SH3KBP1: variants seen among roughly 807,000 people sequenced by gnomAD.
SH3KBP1 encodes the protein SH3 domain-containing kinase-binding protein 1.
In SH3KBP1, 8 loss-of-function variants were observed where a neutral mutation model predicts 50.1. The observed-to-expected ratio is 0.16, with a 90% CI of 0.09 to 0.29. The LOEUF (loss-of-function observed/expected upper bound fraction) is 0.29. Among genes scored for constraint, SH3KBP1 ranks in the 10% least tolerant of loss-of-function variants. The probability of loss-of-function intolerance (pLI) is 1.00; values close to 1 mark genes in which losing one functional copy is unlikely to be tolerated. For missense variants in SH3KBP1, 377 were observed against 535.2 expected (o/e 0.70, Z 2.92); for synonymous variants, 227 against 218.6 (o/e 1.04, Z -0.34).
chrX:19,655,803 C>A (rs1459341856), intron 6 of SH3KBP1, among the ~76,000 whole-genome samples: 1 of 111,133 alleles, frequency 9.0e-6, no homozygotes, highest in Non-Finnish European at 1.9e-5. Flanking sequence ...TGCACATGTA[C>A]CCCCGACCCT....
At chrX:19,830,519 G>A (rs980834479) in intron 2 of SH3KBP1, among the ~76,000 whole-genome samples, 3 of 111,318 alleles carry the variant, frequency 2.7e-5, no homozygotes, top group African/African-American at 9.8e-5. Flanking sequence ...CACTTTAGGA[G>A]GCCAAAGTGA....
chrX:19,750,391 C>T, intron 2 of SH3KBP1, among the ~76,000 whole-genome samples: 1 of 111,880 alleles, frequency 8.9e-6, no homozygotes, highest in Middle Eastern at 4.7e-3. Flanking sequence ...GGATTATAAT[C>T]ATGTCTTCCT....
intron 3 of SH3KBP1, among the ~76,000 whole-genome samples, chrX:19,718,489 G>A (rs745309906): frequency 7.2e-5 from 8 of 111,317 alleles, no homozygotes; most frequent in African/African-American, 2.6e-4. Flanking sequence ...TTGGGGGAAG[G>A]GTAGAAACTC....
intron 13 of SH3KBP1, among the ~76,000 whole-genome samples, chrX:19,559,951 C>A (rs974586508): frequency 9.0e-5 from 10 of 110,968 alleles, no homozygotes; most frequent in African/African-American, 3.3e-4. Flanking sequence ...CAAAATAATT[C>A]TTTTAAAAGA....
intron 5 of SH3KBP1, among the ~76,000 whole-genome samples, chrX:19,692,553 A>C (rs899619772): frequency 9.2e-6 from 1 of 108,956 alleles, no homozygotes; most frequent in African/African-American, 3.4e-5. Flanking sequence ...TACCAAATAA[A>C]CATATATATA....
chrX:19,655,842 G>A, intron 6 of SH3KBP1, among the ~76,000 whole-genome samples: 1 of 111,648 alleles, frequency 9.0e-6, no homozygotes, highest in East Asian at 2.8e-4. Context: ...TAGCAGCAGA[G>A]ACAAAATCAT....
intron 6 of SH3KBP1, among the ~76,000 whole-genome samples, chrX:19,667,898 T>C (rs2062647124): frequency 9.5e-6 from 1 of 105,566 alleles, no homozygotes; most frequent in African/African-American, 3.5e-5. Context: ...AGTCGACCTT[T>C]AACCTAGAAA....
chrX:19,670,673 T>C (rs931439037), intron 6 of SH3KBP1, among the ~76,000 whole-genome samples: 5 of 109,952 alleles, frequency 4.5e-5, no homozygotes, highest in African/African-American at 1.3e-4. Context: ...ATAATCCGTA[T>C]ACTTGATAGG....
chrX:19,683,575 A>G (rs1007684483), intron 6 of SH3KBP1, among the ~76,000 whole-genome samples: 26 of 111,104 alleles, frequency 2.3e-4, no homozygotes, highest in Non-Finnish European at 9.4e-5. Context: ...TCCATTTCCA[A>G]AGTCATCCTG....
At position 19,713,116 on chromosome X, in the gene SH3KBP1, G is replaced by A. The variant is rs190844884; in HGVS notation, c.287-6132C>T. 5.2e-3 allele frequency among the ~76,000 whole-genome samples: 568 copies of A among 110,196 alleles called. 1 individual carries two copies. The highest frequency in any genetic ancestry group is 0.018 in the Middle Eastern group (4 of 218). Reference sequence around the variant, plus strand: ...CGCACTCCTGTAGTCTCAGCTACTCGGGAGGCTGAGGCAGGAGAAACACTT... The same window carrying A: ...CGCACTCCTGTAGTCTCAGCTACTCAGGAGGCTGAGGCAGGAGAAACACTT... On this transcript the variant is annotated intron_variant, in intron 3 of 17. Coordinates refer to ENST00000397821, the MANE Select transcript of SH3KBP1 (RefSeq NM_031892.3).
rs1365594800 is a variant in SH3KBP1 at position 19,706,889 on chromosome X, C to T, written c.382G>A (p.Val128Ile). Reference sequence around the variant, plus strand: ...CCGGCCAGGTCGCTTACCTCTCCTACCACCTCTATGATGTCGCCAACTTTC... The same window carrying T: ...CCGGCCAGGTCGCTTACCTCTCCTATCACCTCTATGATGTCGCCAACTTTC... ...ELKVGDIIEV[V>I]GEVEEGWWEG... Residue 128 changes from valine (V) to isoleucine (I), a missense_variant, in exon 4 of 18, where the codon GTA (valine) becomes ATA (isoleucine). Val to Ile is a conservative substitution (Grantham distance 29). This residue lies in a region of SH3KBP1 where 257 missense variants were observed against 374.2 expected (regional missense o/e 0.69). Transcript: ENST00000397821. 8.3e-7 allele frequency: 1 copy of T among 1,208,951 alleles called. No homozygotes were observed. Among genetic ancestry groups the T allele is most frequent in the Non-Finnish European group, 1.1e-6 (1 of 893,326 alleles).
chrX:19,698,624 G>C (rs1298709597), intron 4 of SH3KBP1, among the ~76,000 whole-genome samples: 1 of 111,986 alleles, frequency 8.9e-6, no homozygotes, highest in African/African-American at 3.2e-5. Context: ...CTGTGAGCTG[G>C]AGCCCTTCAT....
intron 12 of SH3KBP1, among the ~76,000 whole-genome samples, chrX:19,576,976 A>G (rs2066219923): frequency 8.9e-6 from 1 of 112,195 alleles, no homozygotes; most frequent in Non-Finnish European, 1.9e-5. Flanking sequence ...GATGACTCAG[A>G]TGGGCCATTT....
At chrX:19,760,048 CTCTCTCTCTCT>C (rs2065357839) in intron 2 of SH3KBP1, among the ~76,000 whole-genome samples, 1 of 71,821 alleles carries the variant, frequency 1.4e-5, no homozygotes, top group African/African-American at 5.4e-5. Flanking sequence ...CTCCCTCTCT[CTCTCTCTCTCT>C]CTCTCTCTCT....
intron 6 of SH3KBP1, among the ~76,000 whole-genome samples, chrX:19,662,555 T>C (rs186995087): frequency 1.8e-5 from 2 of 111,929 alleles, no homozygotes; most frequent in East Asian, 5.6e-4. Flanking sequence ...TAGTTCTTCA[T>C]GAGTAAAAAT....
intron 12 of SH3KBP1, among the ~76,000 whole-genome samples, chrX:19,583,750 T>C (rs2066455583): frequency 9.5e-6 from 1 of 105,717 alleles, no homozygotes; most frequent in Non-Finnish European, 1.9e-5. Context: ...TTACTAATTA[T>C]AGTATTATTA....
intron 3 of SH3KBP1, among the ~76,000 whole-genome samples, chrX:19,735,866 G>A (rs2064555163): frequency 9.1e-6 from 1 of 109,572 alleles, no homozygotes; most frequent in Non-Finnish European, 1.9e-5. Flanking sequence ...TGGGACTACG[G>A]GAGCCCGCCA....
At chrX:19,684,162 T>C (rs1304538875) in intron 5 of SH3KBP1, 134 bp from the exon 6 acceptor site, 8 of 482,289 alleles carry the variant, frequency 1.7e-5, no homozygotes, top group Non-Finnish European at 2.8e-5. Flanking sequence ...GGCTTTTGTA[T>C]TCAGTATGTT....
At chrX:19,760,030 CT>C (rs1208852174) in intron 2 of SH3KBP1, among the ~76,000 whole-genome samples, 1 of 69,040 alleles carries the variant, frequency 1.4e-5, no homozygotes, top group African/African-American at 7.2e-5. Flanking sequence ...TCTCCTCTCT[CT>C]CTCTCTCTCC....
Sources: gnomAD v4.1 joint callset for allele counts (sites outside exome capture counted in the v4.1 genomes callset) on GRCh38, gnomAD v4.1.1 for gene constraint, gnomAD v4.1.1 regional missense constraint, MANE v1.5 for transcripts, NCBI Gene and HGNC (gene_info 2026-07-23, HGNC 2026-07-21) for gene names.